The following MYO3B variants were observed in gnomAD, a reference collection of about 807,000 sequenced individuals.
MYO3B encodes myosin-IIIb.
MYO3B carries 156 observed loss-of-function variants against 174.6 expected under a neutral mutation model. The ratio of observed to expected loss-of-function variants is 0.89; its 90% CI spans 0.78 to 1.02. The LOEUF is 1.02. Among genes scored for constraint, MYO3B ranks in the 50% least tolerant of loss-of-function variants. The probability of loss-of-function intolerance (pLI) is 0.00; values close to 1 mark genes in which losing one functional copy is unlikely to be tolerated. For synonymous variants in MYO3B, 563 were observed against 569.1 expected, an observed-to-expected ratio of 0.99 and a Z score of 0.15; for missense variants, 1,632 against 1,639.4, an observed-to-expected ratio of 1.00 and a Z score of 0.08.
Position 170,401,711 on chromosome 2 carries a change from G to A in MYO3B, c.2129+20G>A, listed in dbSNP as rs1218490276. The A allele has an allele frequency of 6.2e-7, 1 of 1,609,178 alleles. No individual in the cohort carries two copies. The highest frequency in any genetic ancestry group is 8.5e-7 in the Non-Finnish European group (1 of 1,178,330). On this transcript the variant is annotated intron_variant, in intron 18 of 34. Coordinates refer to ENST00000408978, the MANE Select transcript of MYO3B (RefSeq NM_138995.5). ...CATATGGCAAGTTCCTCGGAGAGCAGAGGGTCTCAGGAGAGCTGTCATTGA... is the reference window on the plus strand; with the variant it reads ...CATATGGCAAGTTCCTCGGAGAGCAAAGGGTCTCAGGAGAGCTGTCATTGA...
intron 32 of MYO3B, among the ~76,000 whole-genome samples, chr2:170,626,349 C>G (rs1575280946): frequency 6.6e-6 from 1 of 152,130 alleles, no homozygotes; most frequent in East Asian, 1.9e-4. Context: ...GGTTTAAAGT[C>G]TGTTTTATCA....
intron 28 of MYO3B, among the ~76,000 whole-genome samples, chr2:170,514,310 G>A (rs1405544948): frequency 2.0e-5 from 3 of 152,236 alleles, no homozygotes; most frequent in Non-Finnish European, 4.4e-5. Context: ...AATCCAAAAG[G>A]AAGTAAGCTG....
chr2:170,263,476 A>G (rs1214959188), intron 7 of MYO3B, among the ~76,000 whole-genome samples: 1 of 152,088 alleles, frequency 6.6e-6, no homozygotes, highest in Non-Finnish European at 1.5e-5. Context: ...CGTTATCTCT[A>G]CCATCTCGGA....
At chr2:170,576,507 C>G (rs116028759) in intron 32 of MYO3B, among the ~76,000 whole-genome samples, 14 of 152,352 alleles carry the variant, frequency 9.2e-5, no homozygotes, top group African/African-American at 3.4e-4. Flanking sequence ...CTAGCATCCC[C>G]TGTTGGGAGT....
intron 1 of MYO3B, among the ~76,000 whole-genome samples, chr2:170,187,314 C>T (rs564672682): frequency 3.3e-5 from 5 of 152,004 alleles, no homozygotes; most frequent in Non-Finnish European, 5.9e-5. Context: ...CTCACTGTAA[C>T]CTCTGCCTCC....
At chr2:170,462,026 G>T (rs1430114145) in intron 23 of MYO3B, among the ~76,000 whole-genome samples, 1 of 152,236 alleles carries the variant, frequency 6.6e-6, no homozygotes, top group Non-Finnish European at 1.5e-5. Context: ...GAAACCTCCA[G>T]AGTGGACCCA....
chr2:170,442,496 T>C (rs1328266757), intron 22 of MYO3B, among the ~76,000 whole-genome samples: 1 of 87,564 alleles, frequency 1.1e-5, no homozygotes, highest in African/African-American at 5.7e-5. Context: ...TAGGAGGTGT[T>C]CTTTTTTTTT....
At chr2:170,194,679 T>G (rs1254903534) in intron 1 of MYO3B, among the ~76,000 whole-genome samples, 1 of 152,130 alleles carries the variant, frequency 6.6e-6, no homozygotes, top group Non-Finnish European at 1.5e-5. Context: ...GGGACAGAAC[T>G]AATAGGATAT....
intron 23 of MYO3B, among the ~76,000 whole-genome samples, chr2:170,452,614 A>AT (rs915568376): frequency 1.3e-5 from 2 of 152,216 alleles, no homozygotes; most frequent in African/African-American, 2.4e-5. Flanking sequence ...AGGAAAGCCA[A>AT]TATTTTTGGC....
intron 25 of MYO3B, among the ~76,000 whole-genome samples, chr2:170,482,418 G>C (rs1221533714): frequency 1.3e-5 from 2 of 152,198 alleles, no homozygotes; most frequent in African/African-American, 4.8e-5. Context: ...GCCTCCCAGA[G>C]TGCTGGGATT....
At chr2:170,261,837 A>G (rs1365492879) in intron 7 of MYO3B, among the ~76,000 whole-genome samples, 2 of 152,244 alleles carry the variant, frequency 1.3e-5, no homozygotes, top group Admixed American at 1.3e-4. Flanking sequence ...AGGCTTAATC[A>G]AAGTTCAAAT....
intron 8 of MYO3B, among the ~76,000 whole-genome samples, chr2:170,364,050 CTG>C (rs1670210427): frequency 1.3e-5 from 2 of 152,172 alleles, no homozygotes; most frequent in South Asian, 4.1e-4. Context: ...GGTTGAAACA[CTG>C]TCTTTTGCAG....
chr2:170,650,536 A>G (rs1408242263), intron 32 of MYO3B, among the ~76,000 whole-genome samples: 1 of 152,036 alleles, frequency 6.6e-6, no homozygotes, highest in African/African-American at 2.4e-5. Flanking sequence ...TTCATGGACA[A>G]TATTCTATGA....
At chr2:170,549,502 A>G (rs973712654) in intron 32 of MYO3B, among the ~76,000 whole-genome samples, 4 of 152,154 alleles carry the variant, frequency 2.6e-5, no homozygotes, top group Non-Finnish European at 5.9e-5. Flanking sequence ...AGCTTCTTTA[A>G]TGCCATCTAC....
chr2:170,226,762 C>T (rs893559766), intron 6 of MYO3B, among the ~76,000 whole-genome samples: 12 of 152,228 alleles, frequency 7.9e-5, no homozygotes, highest in African/African-American at 2.2e-4. Flanking sequence ...ACATCCCCTC[C>T]GAGTGCTGAG....
chr2:170,291,242 C>T (rs1003160032), intron 7 of MYO3B, among the ~76,000 whole-genome samples: 9 of 152,094 alleles, frequency 5.9e-5, no homozygotes, highest in Admixed American at 5.2e-4. Flanking sequence ...AACAGTGAGA[C>T]TCCATTTGAA....
chr2:170,467,511 A>C (rs888086353), intron 25 of MYO3B, among the ~76,000 whole-genome samples: 2 of 139,552 alleles, frequency 1.4e-5, no homozygotes, highest in Non-Finnish European at 3.2e-5. Flanking sequence ...TTCTGTGAAG[A>C]AATAAGGAAA....
intron 32 of MYO3B, among the ~76,000 whole-genome samples, chr2:170,587,241 G>A (rs1481028312): frequency 6.6e-6 from 1 of 152,152 alleles, no homozygotes; most frequent in Non-Finnish European, 1.5e-5. Context: ...ATAAAACAAT[G>A]TGTGCTGTAA....
Position 170,639,832 on chromosome 2 carries a change from C to T in MYO3B, c.3734-11796C>T, listed in dbSNP as rs142571348. Among the ~76,000 whole-genome samples the T allele has an allele frequency of 2.5e-3, 375 of 152,212 alleles. 3 individuals are homozygous for T. The highest frequency in any genetic ancestry group is 8.6e-3 in the African/African-American group (359 of 41,540). On this transcript the variant is annotated intron_variant, in intron 32 of 34. Transcript: ENST00000408978. ...CTCTGGAAACCAGAGATAGTATTTCCATGGTCAGCAAAATTGTTCTCTTGG... is the reference window on the plus strand; with the variant it reads ...CTCTGGAAACCAGAGATAGTATTTCTATGGTCAGCAAAATTGTTCTCTTGG...
Sources: allele counts gnomAD v4.1 joint callset (sites outside exome capture counted in the v4.1 genomes callset), GRCh38; gene constraint gnomAD v4.1.1; transcripts MANE v1.5; gene names NCBI Gene and HGNC (gene_info 2026-07-23, HGNC 2026-07-21).